KANSL1L: variants seen among roughly 807,000 people sequenced by gnomAD.
The protein encoded by KANSL1L is KAT8 regulatory NSL complex subunit 1-like protein.
A neutral mutation model predicts 108.6 loss-of-function variants in KANSL1L; 25 were observed. The observed-to-expected ratio is 0.23, with a 90% confidence interval of 0.17 to 0.32. KANSL1L has a LOEUF of 0.32. Among genes scored for constraint, KANSL1L ranks in the 10% least tolerant of loss-of-function variants. KANSL1L has a pLI of 1.00. For missense variants in KANSL1L, 1,137 were observed against 1,125.7 expected, an observed-to-expected ratio of 1.01 and a Z score of -0.14; for synonymous variants, 405 against 395.1, an observed-to-expected ratio of 1.03 and a Z score of -0.30.
rs773636479 is a variant in KANSL1L at position 210,154,288 on chromosome 2, T to G, written c.295A>C (p.Lys99Gln). 12 of 1,613,392 alleles carry G rather than the reference T, an allele frequency of 7.4e-6. No individual in the cohort carries two copies. Among genetic ancestry groups the G allele is most frequent in the African/African-American group, 6.7e-5 (5 of 74,884 alleles). ...TTGCAACTGGGCTCCCCTAATTTCT[T>G]TTGTTTATAATTCTCATTGTGTTTA... The part of the protein sequence containing the change: ...LNKHNENYKQ[K>Q]KLGEPSCNKL... The change falls in exon 2 of 15, where the codon AAG becomes CAG. Residue 99 changes from lysine to glutamine, a missense_variant. Lys to Gln is a moderately conservative substitution (Grantham distance 53). Transcript: ENST00000281772.
At chr2:210,076,417 C>T (rs978023196) in intron 5 of KANSL1L, among the ~76,000 whole-genome samples, 2 of 152,100 alleles carry the variant, frequency 1.3e-5, no homozygotes, top group African/African-American at 4.8e-5. Flanking sequence ...GAACTCCTGA[C>T]CTCAGGTGAT....
chr2:210,143,729 A>C (rs2095246264), intron 2 of KANSL1L, among the ~76,000 whole-genome samples: 1 of 152,198 alleles, frequency 6.6e-6, no homozygotes, highest in African/African-American at 2.4e-5. Flanking sequence ...TCTCATATAC[A>C]AACTCTCTAT....
chr2:210,024,225 CAAT>C (rs753994825), intron 13 of KANSL1L, 24 bp from the exon 14 acceptor site: 2 of 1,513,972 alleles, frequency 1.3e-6, no homozygotes, highest in East Asian at 4.9e-5. Flanking sequence ...CAGGAAAACA[CAAT>C]TATTTTTTAT....
intron 1 of KANSL1L, among the ~76,000 whole-genome samples, chr2:210,164,859 TTTTTTTTTTG>T (rs1252032545): frequency 6.6e-6 from 1 of 151,276 alleles, no homozygotes; most frequent in African/African-American, 2.4e-5. Context: ...TTTTCTGTTT[TTTTTTTTTTG>T]TTTTTTTTTG....
At chr2:210,129,396 C>T (rs970040792) in intron 2 of KANSL1L, among the ~76,000 whole-genome samples, 1 of 152,154 alleles carries the variant, frequency 6.6e-6, no homozygotes, top group African/African-American at 2.4e-5. Context: ...ATTACATACC[C>T]TGTAGTAGGA....
At chr2:210,120,348 C>T (rs891973026) in intron 3 of KANSL1L, among the ~76,000 whole-genome samples, 15 of 152,112 alleles carry the variant, frequency 9.9e-5, no homozygotes, top group Non-Finnish European at 1.8e-4. Flanking sequence ...GCGGAGATCA[C>T]GCCACTGTAC....
At chr2:210,110,109 C>A (rs562987960) in intron 3 of KANSL1L, among the ~76,000 whole-genome samples, 28 of 152,300 alleles carry the variant, frequency 1.8e-4, no homozygotes, top group African/African-American at 6.5e-4. Context: ...GATGCATTCT[C>A]AAAGGATATT....
intron 3 of KANSL1L, among the ~76,000 whole-genome samples, chr2:210,111,164 C>A (rs74793257): frequency 6.7e-6 from 1 of 149,032 alleles, no homozygotes; most frequent in Admixed American, 6.7e-5. Flanking sequence ...AAAAAAAAAA[C>A]ATGTCTACAC....
intron 6 of KANSL1L, among the ~76,000 whole-genome samples, chr2:210,054,582 C>T (rs917904373): frequency 3.9e-5 from 6 of 152,110 alleles, no homozygotes; most frequent in African/African-American, 1.4e-4. Context: ...TACTCACAAA[C>T]ATGTGGACTG....
chr2:210,027,066 C>T (rs977075532), intron 12 of KANSL1L, among the ~76,000 whole-genome samples: 40 of 152,182 alleles, frequency 2.6e-4, no homozygotes, highest in Admixed American at 2.0e-4. Context: ...CCACCGCGCC[C>T]GGCCTTGGCT....
chr2:210,170,222 C>T (rs1246139508), intron 1 of KANSL1L: 1 of 296,738 alleles, frequency 3.4e-6, no homozygotes, highest in Non-Finnish European at 5.0e-6. Flanking sequence ...TATTACTGAC[C>T]CAAACTCAGA....
At chr2:210,023,808 ACT>A (rs1357524185) in intron 14 of KANSL1L, among the ~76,000 whole-genome samples, 3 of 152,070 alleles carry the variant, frequency 2.0e-5, no homozygotes, top group South Asian at 2.1e-4. Flanking sequence ...TAGTACTTCC[ACT>A]CTCTAATAGA....
At chr2:210,105,252 T>C (rs1575538894) in intron 3 of KANSL1L, among the ~76,000 whole-genome samples, 1 of 149,982 alleles carries the variant, frequency 6.7e-6, no homozygotes, top group Middle Eastern at 3.5e-3. Context: ...CAGTAATATA[T>C]ACCATATATA....
At chr2:210,033,649 C>G (rs911634305) in intron 8 of KANSL1L, among the ~76,000 whole-genome samples, 5 of 151,924 alleles carry the variant, frequency 3.3e-5, no homozygotes, top group African/African-American at 1.2e-4. Flanking sequence ...CCTGCCTCAG[C>G]CTCCCGAGTA....
intron 2 of KANSL1L, among the ~76,000 whole-genome samples, chr2:210,146,985 G>C (rs1237559253): frequency 6.6e-6 from 1 of 152,094 alleles, no homozygotes; most frequent in African/African-American, 2.4e-5. Flanking sequence ...AGCTTAAATG[G>C]GAGTTAAAGG....
At position 210,165,394 on chromosome 2, in the gene KANSL1L, A is replaced by G. The variant is rs565525598; in HGVS notation, c.-30+5755T>C. Reference sequence around the variant, plus strand: ...AAAAAACACCAGAGAGAATTTCAGTAAGACAAGACAAAGCTTATGTTTTTA... The same window carrying G: ...AAAAAACACCAGAGAGAATTTCAGTGAGACAAGACAAAGCTTATGTTTTTA... On this transcript the variant is annotated intron_variant, in intron 1 of 14. Coordinates refer to ENST00000281772, the MANE Select transcript of KANSL1L (RefSeq NM_152519.4). Among the ~76,000 whole-genome samples the G allele has an allele frequency of 1.8e-3, 271 of 152,248 alleles. 2 individuals carry two copies. The highest frequency in any genetic ancestry group is 6.3e-3 in the African/African-American group (261 of 41,558).
intron 3 of KANSL1L, among the ~76,000 whole-genome samples, chr2:210,107,519 A>AAT (rs1399584895): frequency 6.4e-5 from 9 of 141,638 alleles, no homozygotes; most frequent in Admixed American, 2.8e-4. Context: ...TCAAAAAAAA[A>AAT]ATATATATAT....
At position 210,067,080 on chromosome 2, in the gene KANSL1L, C is replaced by A. The variant is rs556408945; in HGVS notation, c.1755+8472G>T. The stretch of plus-strand genomic sequence containing the variant: ...AAGCTGGGACATTCATCTTCTCTGG[C>A]CTTCAGTGAGACATCAGTGCTCCTG... On this transcript the variant is annotated intron_variant, in intron 6 of 14. Transcript: ENST00000281772. Among the ~76,000 whole-genome samples, 4 of 152,240 alleles carry A rather than the reference C, an allele frequency of 2.6e-5. No homozygotes were observed. In the South Asian group the frequency reaches 8.3e-4, roughly 32 times the overall value.
rs1464066112 is a variant in KANSL1L, at chr2:210,153,496, C to T, written c.1087G>A (p.Val363Ile). Residue 363 changes from valine (V) to isoleucine (I), a missense_variant and splice_region_variant, in exon 2 of 15, where the codon GTT (valine) becomes ATT (isoleucine). Val to Ile is a conservative substitution (Grantham distance 29). Coordinates refer to ENST00000281772, the MANE Select transcript of KANSL1L (RefSeq NM_152519.4). The stretch of plus-strand genomic sequence containing the variant: ...GTCTAATAATAATTTTGCACTTACA[C>T]TGCCACATTTTTTCTAAGGGTATAT... ...DEYTLRKNVA[V>I]NCSTEWKWLV... 15 of 1,613,208 alleles carry T rather than the reference C, an allele frequency of 9.3e-6. No individual in the cohort carries two copies. Among genetic ancestry groups the T allele is most frequent in the African/African-American group, 2.7e-5 (2 of 74,822 alleles).
Sources: gnomAD v4.1 joint callset for allele counts (sites outside exome capture counted in the v4.1 genomes callset) on GRCh38, gnomAD v4.1.1 for gene constraint, MANE v1.5 for transcripts, NCBI Gene and HGNC (gene_info 2026-07-23, HGNC 2026-07-21) for gene names.